The following KCNIP1 variants were observed in gnomAD, a reference collection of about 807,000 sequenced individuals.
KCNIP1 encodes potassium voltage-gated channel interacting protein 1.
A neutral mutation model predicts 33.0 loss-of-function variants in KCNIP1; 18 were observed. That is an observed-to-expected ratio of 0.55 (90% CI 0.38 to 0.81). KCNIP1 has a LOEUF of 0.81. Ranked by LOEUF, KCNIP1 falls within the 30% of genes least tolerant of loss-of-function variation. The pLI, the probability that KCNIP1 is intolerant of heterozygous loss-of-function variation, is 0.00. For synonymous variants in KCNIP1, 93 were observed against 98.3 expected (o/e 0.95, Z 0.32); for missense variants, 238 against 271.6 (o/e 0.88, Z 0.87).
At chr5:170,500,131 G>C (rs547805529), upstream of KCNIP1, among the ~76,000 whole-genome samples, 1 of 152,192 alleles carries the variant, frequency 6.6e-6, no homozygotes, top group Non-Finnish European at 1.5e-5. Context: ...CCTTTTCCCT[G>C]TGTGCTCACA....
At chr5:170,544,871 TTTAC>T (rs1756356330) in intron 1 of KCNIP1, among the ~76,000 whole-genome samples, 1 of 152,208 alleles carries the variant, frequency 6.6e-6, no homozygotes. Context: ...TGTTAAACAT[TTTAC>T]TTCTGCATAG....
chr5:170,385,955 T>TAA (rs548199277), intron 1 of KCNIP1, among the ~76,000 whole-genome samples: 1 of 141,774 alleles, frequency 7.1e-6, no homozygotes, highest in Admixed American at 7.0e-5. Flanking sequence ...CCATCTCTAC[T>TAA]AAAAAAAAAA....
chr5:170,584,888 A>G (rs917388364), intron 1 of KCNIP1, among the ~76,000 whole-genome samples: 43 of 152,202 alleles, frequency 2.8e-4, no homozygotes, highest in African/African-American at 9.9e-4. Flanking sequence ...AGAAATCCAC[A>G]GCCCAGAGCA....
rs1457453346 is a variant in KCNIP1, at chr5:170,375,533, TCCCTCAGCCCTTCACAGCTGGCTCTGC to T, written c.88+21623_88+21649del. 1.3e-3 allele frequency: 193 copies of T among 153,332 alleles called. 1 individual carries two copies. Among genetic ancestry groups the T allele is most frequent in the Non-Finnish European group, 1.7e-3 (115 of 68,948 alleles). 9.5% of individuals were successfully genotyped at this position (153,332 alleles called of 1,614,324 possible). A position where few individuals can be genotyped will look rare whatever the true frequency, so the allele number is the denominator to read the frequency against. ...GCCCCTGTGGCTTTGAGTGGCTGTG[TCCCTCAGCCCTTCACAGCTGGCTCTGC>T]CCCTCAGCCCTTCACAGCTGGCTCT... On this transcript the variant is annotated intron_variant, in intron 1 of 7. Transcript: ENST00000377360.
chr5:170,447,275 A>G (rs941047710), intron 1 of KCNIP1, among the ~76,000 whole-genome samples: 1 of 152,188 alleles, frequency 6.6e-6, no homozygotes, highest in African/African-American at 2.4e-5. Context: ...AAATGACTGA[A>G]TTTGGGTCAA....
chr5:170,603,701 C>G (rs996845250), intron 1 of KCNIP1, among the ~76,000 whole-genome samples: 8 of 151,854 alleles, frequency 5.3e-5, no homozygotes, highest in African/African-American at 1.9e-4. Flanking sequence ...CAAGCAAAGG[C>G]AGAGGTGGGG....
At chr5:170,660,881 G>A (rs190295105) in intron 1 of KCNIP1, among the ~76,000 whole-genome samples, 26 of 152,368 alleles carry the variant, frequency 1.7e-4, no homozygotes, top group South Asian at 4.1e-4. Context: ...GAAAGCTCAC[G>A]TGGCAAAAGA....
chr5:170,479,682 G>A (rs1756934744), intron 1 of KCNIP1, among the ~76,000 whole-genome samples: 1 of 152,152 alleles, frequency 6.6e-6, no homozygotes, highest in Admixed American at 6.5e-5. Flanking sequence ...GAGTTGTTTT[G>A]CCCACATGGG....
At chr5:170,383,508 G>A (rs1764336616) in intron 1 of KCNIP1, 5 of 729,496 alleles carry the variant, frequency 6.9e-6, no homozygotes, top group Non-Finnish European at 1.2e-5. Context: ...TCAAACCCAG[G>A]TCTGTGTGAC....
chr5:170,437,870 T>TA (rs1355524174), intron 1 of KCNIP1, among the ~76,000 whole-genome samples: 1 of 152,236 alleles, frequency 6.6e-6, no homozygotes, highest in East Asian at 1.9e-4. Flanking sequence ...GGTGATCTCC[T>TA]GGGCCATCAG....
chr5:170,654,151 A>G (rs1412148216), intron 1 of KCNIP1, among the ~76,000 whole-genome samples: 1 of 152,078 alleles, frequency 6.6e-6, no homozygotes, highest in Non-Finnish European at 1.5e-5. Flanking sequence ...ACTTTGTCCC[A>G]CCTTCTCTGA....
intron 1 of KCNIP1, among the ~76,000 whole-genome samples, chr5:170,472,165 C>G (rs1432479930): frequency 1.3e-5 from 2 of 152,214 alleles, no homozygotes; most frequent in African/African-American, 4.8e-5. Flanking sequence ...TCAGACCCTG[C>G]TGAAGGAAGG....
intron 1 of KCNIP1, among the ~76,000 whole-genome samples, chr5:170,591,914 C>A (rs907127466): frequency 3.3e-5 from 5 of 152,182 alleles, no homozygotes; most frequent in African/African-American, 1.2e-4. Flanking sequence ...CATGGCTGTG[C>A]AAATATCTAA....
chr5:170,670,419 C>A (rs1412166977), intron 1 of KCNIP1, among the ~76,000 whole-genome samples: 1 of 152,188 alleles, frequency 6.6e-6, no homozygotes, highest in Admixed American at 6.5e-5. Context: ...CAAGAACTTA[C>A]AGGGAAGGGT....
intron 1 of KCNIP1, among the ~76,000 whole-genome samples, chr5:170,360,356 C>A (rs1763473844): frequency 6.6e-6 from 1 of 152,224 alleles, no homozygotes; most frequent in Non-Finnish European, 1.5e-5. Flanking sequence ...ACCAACAGGA[C>A]AGCCTTGGGC....
intron 1 of KCNIP1, among the ~76,000 whole-genome samples, chr5:170,437,024 G>C (rs896331880): frequency 4.6e-5 from 7 of 152,188 alleles, no homozygotes; most frequent in Non-Finnish European, 8.8e-5. Flanking sequence ...AAAGAAACAG[G>C]GACATCTATG....
intron 1 of KCNIP1, among the ~76,000 whole-genome samples, chr5:170,436,629 G>GTGCA (rs1227751202): frequency 1.3e-5 from 2 of 152,192 alleles, no homozygotes; most frequent in East Asian, 1.9e-4. Context: ...GCGCAGGTGT[G>GTGCA]TGCATGCATG....
At chr5:170,605,124 C>G (rs1261827214) in intron 1 of KCNIP1, among the ~76,000 whole-genome samples, 1 of 152,182 alleles carries the variant, frequency 6.6e-6, no homozygotes, top group Non-Finnish European at 1.5e-5. Flanking sequence ...ATGTGCTCAC[C>G]TCTTAGCTCC....
At chr5:170,605,126 C>T (rs2113599281) in intron 1 of KCNIP1, among the ~76,000 whole-genome samples, 1 of 152,304 alleles carries the variant, frequency 6.6e-6, no homozygotes. Context: ...GTGCTCACCT[C>T]TTAGCTCCCT....
Sources: allele counts gnomAD v4.1 joint callset (sites outside exome capture counted in the v4.1 genomes callset), GRCh38; gene constraint gnomAD v4.1.1; transcripts MANE v1.5; gene names NCBI Gene and HGNC (gene_info 2026-07-23, HGNC 2026-07-21).